GNAL: variants seen among roughly 807,000 people sequenced by gnomAD.
GNAL encodes G protein subunit alpha L.
Under a neutral mutation model 55.1 loss-of-function variants are expected in GNAL, and 18 were observed. The observed-to-expected ratio is 0.33, with a 90% CI of 0.23 to 0.48. The LOEUF is 0.48. GNAL is among the 20% of genes least tolerant of loss of function. The probability of loss-of-function intolerance (pLI) is 0.99; values close to 1 mark genes in which losing one functional copy is unlikely to be tolerated. For missense variants in GNAL, 412 were observed against 614.1 expected (o/e 0.67, Z 3.48); for synonymous variants, 253 against 237.0 (o/e 1.07, Z -0.62).
chr18:11,825,324 ATTG>A (rs1222376102), intron 5 of GNAL, among the ~76,000 whole-genome samples: 3 of 152,116 alleles, frequency 2.0e-5, no homozygotes, highest in Non-Finnish European at 4.4e-5. Flanking sequence ...TTCCATGGTT[ATTG>A]TTATGTTTTG....
chr18:11,753,801 T>C, intron 3 of GNAL, 25 bp from the exon 4 acceptor site: 1 of 1,579,262 alleles, frequency 6.3e-7, no homozygotes, highest in Non-Finnish European at 8.7e-7. Flanking sequence ...TGTTTATCCA[T>C]ATTTTTTTTC....
chr18:11,852,125 T>C (rs750292644), intron 5 of GNAL: 4 of 1,570,060 alleles, frequency 2.5e-6, no homozygotes, highest in Non-Finnish European at 3.5e-6. Flanking sequence ...CAGAACCCGC[T>C]CTGAGGTTTC....
intron 4 of GNAL, among the ~76,000 whole-genome samples, chr18:11,813,574 G>A (rs757317840): frequency 3.9e-5 from 6 of 152,200 alleles, no homozygotes; most frequent in Non-Finnish European, 8.8e-5. Flanking sequence ...GGAGAACAAA[G>A]TTGGAGAAGT....
At chr18:11,727,398 G>A (rs149289475) in intron 1 of GNAL, among the ~76,000 whole-genome samples, 180 of 152,254 alleles carry the variant, frequency 1.2e-3, no homozygotes, top group African/African-American at 4.1e-3. Flanking sequence ...TGTGAGCCCT[G>A]GAGTTTGAGA....
chr18:11,758,100 G>T (rs976753694), intron 4 of GNAL, among the ~76,000 whole-genome samples: 1 of 152,132 alleles, frequency 6.6e-6, no homozygotes, highest in Non-Finnish European at 1.5e-5. Flanking sequence ...AGGAGAAAAT[G>T]ACAATACAGA....
chr18:11,722,116 ATGT>A (rs1393755901), intron 1 of GNAL, among the ~76,000 whole-genome samples: 1 of 152,148 alleles, frequency 6.6e-6, no homozygotes, highest in Non-Finnish European at 1.5e-5. Context: ...TTGACAAATA[ATGT>A]TGTTCCCAAC....
intron 4 of GNAL, among the ~76,000 whole-genome samples, chr18:11,785,522 C>T (rs1321279098): frequency 6.6e-6 from 1 of 152,254 alleles, no homozygotes; most frequent in Non-Finnish European, 1.5e-5. Context: ...GGCCCCCGCC[C>T]AGGCCTGGAG....
intron 1 of GNAL, among the ~76,000 whole-genome samples, chr18:11,727,962 C>T (rs1006811073): frequency 2.6e-5 from 4 of 152,106 alleles, no homozygotes; most frequent in South Asian, 2.1e-4. Context: ...CATGATGGCT[C>T]GTGCCTATAA....
intron 5 of GNAL, chr18:11,852,788 C>G (rs368920612): frequency 5.4e-5 from 9 of 166,814 alleles, no homozygotes; most frequent in Admixed American, 4.6e-4. Context: ...CTTTGCGTAA[C>G]TGGGAAAAAT....
rs766831564 is a variant in GNAL at position 11,867,240 on chromosome 18, GCT to G, written c.910+20_910+21del. The stretch of plus-strand genomic sequence containing the variant: ...AGTGCTTTAACGGTGATTTTTTTAT[GCT>G]CTCTCAAGAAAATAGGAGTGAATTC... On this transcript the variant is annotated intron_variant, in intron 8 of 11. Coordinates refer to ENST00000334049, the MANE Select transcript of GNAL (RefSeq NM_182978.4). 127 of 1,545,332 alleles carry G rather than the reference GCT, an allele frequency of 8.2e-5. 1 individual carries two copies. In the South Asian group the frequency reaches 1.4e-3, roughly 17 times the overall value.
chr18:11,816,840 A>G (rs548403883), intron 4 of GNAL, among the ~76,000 whole-genome samples: 1 of 151,484 alleles, frequency 6.6e-6, no homozygotes, highest in East Asian at 1.9e-4. Context: ...AAAGGAACAA[A>G]CTGTTAATGT....
chr18:11,689,779 G>T lies in GNAL; in HGVS notation c.216G>T (p.Lys72Asn), dbSNP rs1445897182. The change falls in exon 1 of 12, where the codon AAG (lysine) becomes AAT (asparagine). Residue 72 changes from lysine (K) to asparagine (N), a missense_variant. By Grantham distance (94) the Lys-to-Asn change is moderately conservative. This residue lies in a region of GNAL where 228 missense variants were observed against 194.8 expected (regional missense o/e 1.17). Transcript: ENST00000334049. ...CTCGGCCCAAAGCAGACAAGCCGAA[G>T]GAGAAGCGGCAGCGCACCGAGCAGC... The part of the protein sequence containing the change: ...ACARPKADKP[K>N]EKRQRTEQLS... The T allele has an allele frequency of 6.5e-7, 1 of 1,529,824 alleles. No homozygotes were observed. The allele number at this position is 1,529,824 out of a possible 1,614,324, so 94.8% of individuals were successfully genotyped here. A position where few individuals can be genotyped will look rare whatever the true frequency, so the allele number is the denominator to read the frequency against.
At chr18:11,719,732 G>A (rs2032050198) in intron 1 of GNAL, among the ~76,000 whole-genome samples, 1 of 152,184 alleles carries the variant, frequency 6.6e-6, no homozygotes, top group South Asian at 2.1e-4. Context: ...GAAGCAGGCT[G>A]TCATGGACAG....
intron 4 of GNAL, among the ~76,000 whole-genome samples, chr18:11,820,567 A>G (rs2035065669): frequency 2.6e-5 from 4 of 152,262 alleles, no homozygotes; most frequent in Admixed American, 2.6e-4. Context: ...AGTGGATGAG[A>G]TATGGATGAA....
intron 1 of GNAL, among the ~76,000 whole-genome samples, chr18:11,712,402 A>C (rs2031859879): frequency 1.3e-5 from 2 of 152,110 alleles, no homozygotes; most frequent in South Asian, 2.1e-4. Context: ...CTTTTTACTT[A>C]TCTGGAGTAC....
At chr18:11,746,924 G>A in intron 1 of GNAL, 1 of 538,912 alleles carries the variant, frequency 1.9e-6, no homozygotes. Flanking sequence ...GGAAACTTAG[G>A]ACATTACAAC....
In GNAL at chr18:11,865,755, TAAAAAA is replaced by T. The variant is rs777122802; in HGVS notation, c.851+1165_851+1170del. On this transcript the variant is annotated intron_variant, in intron 7 of 11. Transcript: ENST00000334049. Reference sequence around the variant, plus strand: ...GGGTGACAGAGTAAGACCCTGTCTCTAAAAAAAAAAAAAAAAAAAAAGCATCCAAGC... The same window carrying T: ...GGGTGACAGAGTAAGACCCTGTCTCTAAAAAAAAAAAAAAAGCATCCAAGC... Among the ~76,000 whole-genome samples, 7 of 81,222 alleles carry T rather than the reference TAAAAAA, an allele frequency of 8.6e-5. 1 individual carries two copies. The highest frequency in any genetic ancestry group is 3.7e-4 in the African/African-American group (7 of 19,000). The allele number at this position is 81,222 out of a possible 152,430, so 53.3% of individuals were successfully genotyped here. A position where few individuals can be genotyped will look rare whatever the true frequency, so the allele number is the denominator to read the frequency against.
chr18:11,836,119 T>C (rs1466052323), intron 5 of GNAL, among the ~76,000 whole-genome samples: 1 of 151,764 alleles, frequency 6.6e-6, no homozygotes, highest in Non-Finnish European at 1.5e-5. Flanking sequence ...GCACTCCAGC[T>C]TAAGTGACAG....
intron 4 of GNAL, among the ~76,000 whole-genome samples, chr18:11,771,136 T>G (rs1024464832): frequency 2.6e-5 from 4 of 151,512 alleles, no homozygotes; most frequent in Non-Finnish European, 5.9e-5. Context: ...GAGAATTGCT[T>G]GAACCTGGGA....
Sources: allele counts gnomAD v4.1 joint callset (sites outside exome capture counted in the v4.1 genomes callset), GRCh38; gene constraint gnomAD v4.1.1; regional missense constraint gnomAD v4.1.1; transcripts MANE v1.5; gene names NCBI Gene and HGNC (gene_info 2026-07-23, HGNC 2026-07-21).